SPTLC3: variants seen among roughly 807,000 people sequenced by gnomAD.
SPTLC3 encodes the protein serine palmitoyltransferase long chain base subunit 3, also known as serine palmitoyltransferase 3.
SPTLC3 carries 36 observed loss-of-function variants against 59.3 expected under a neutral mutation model. The ratio of observed to expected loss-of-function variants is 0.61; its 90% CI spans 0.47 to 0.80. SPTLC3 has a LOEUF of 0.80. Ranked by LOEUF, SPTLC3 falls within the 30% of genes least tolerant of loss-of-function variation. The probability of loss-of-function intolerance (pLI) is 0.00; values close to 1 mark genes in which losing one functional copy is unlikely to be tolerated. For synonymous variants in SPTLC3, 257 were observed against 240.8 expected, an observed-to-expected ratio of 1.07 and a Z score of -0.62; for missense variants, 625 against 685.1, an observed-to-expected ratio of 0.91 and a Z score of 0.98.
At chr20:13,033,167 C>A (rs16993653) in intron 1 of SPTLC3, among the ~76,000 whole-genome samples, 12,815 of 152,116 alleles carry the variant, frequency 0.084, 581 homozygotes, top group African/African-American at 0.11. Context: ...CTCAGACTTC[C>A]ACCAAACCCT....
In SPTLC3 at chr20:13,167,379, T is replaced by A. The variant is rs2038997431; in HGVS notation, c.*2512T>A. The A allele has an allele frequency of 6.6e-6, 1 of 152,142 alleles. No individual in the cohort carries two copies. Among genetic ancestry groups the A allele is most frequent in the Non-Finnish European group, 1.5e-5 (1 of 68,038 alleles). The allele number at this position is 152,142 out of a possible 1,614,324, so 9.4% of individuals were successfully genotyped here. A position where few individuals can be genotyped will look rare whatever the true frequency, so the allele number is the denominator to read the frequency against. On this transcript the variant is annotated 3_prime_UTR_variant, in exon 12 of 12. Transcript: ENST00000399002. Reference sequence around the variant, plus strand: ...TAATTATATCAGAGCCAAAAATGTGTCTTTGGTTAGATCTGTTGGAAAAGA... The same window carrying A: ...TAATTATATCAGAGCCAAAAATGTGACTTTGGTTAGATCTGTTGGAAAAGA...
At chr20:13,022,429 G>T (rs1985932191) in intron 1 of SPTLC3, among the ~76,000 whole-genome samples, 1 of 152,182 alleles carries the variant, frequency 6.6e-6, no homozygotes, top group African/African-American at 2.4e-5. Flanking sequence ...TATGCTTGTG[G>T]ATTCTGCTGG....
At chr20:13,031,294 A>C (rs1986435753) in intron 1 of SPTLC3, among the ~76,000 whole-genome samples, 1 of 152,174 alleles carries the variant, frequency 6.6e-6, no homozygotes, top group South Asian at 2.1e-4. Flanking sequence ...CGAAGATCTC[A>C]ATCTCTAAAC....
At chr20:13,083,397 G>A (rs1230184090) in intron 4 of SPTLC3, among the ~76,000 whole-genome samples, 1 of 152,128 alleles carries the variant, frequency 6.6e-6, no homozygotes, top group Non-Finnish European at 1.5e-5. Flanking sequence ...CCACATAGGG[G>A]CCTATGTATT....
intron 1 of SPTLC3, among the ~76,000 whole-genome samples, chr20:13,020,825 T>C (rs1429039699): frequency 6.6e-6 from 1 of 152,144 alleles, no homozygotes; most frequent in African/African-American, 2.4e-5. Flanking sequence ...AAGGTAACTT[T>C]ATGTCTCTGA....
chr20:13,010,429 G>A lies in SPTLC3; in HGVS notation c.117+1045G>A, dbSNP rs76598140. Among the ~76,000 whole-genome samples the A allele has an allele frequency of 1.0e-2, 1,516 of 152,270 alleles. 30 individuals are homozygous for A. The highest frequency in any genetic ancestry group is 0.032 in the African/African-American group (1,339 of 41,538). On this transcript the variant is annotated intron_variant, in intron 1 of 11. Transcript: ENST00000399002. The stretch of plus-strand genomic sequence containing the variant: ...GTCCTCCTCTCAGTGAATTACATTC[G>A]TGTGTGCAATTGGAAGAGGCTAAAG...
At chr20:13,115,398 C>G (rs6105041) in intron 7 of SPTLC3, among the ~76,000 whole-genome samples, 1 of 152,240 alleles carries the variant, frequency 6.6e-6, no homozygotes, top group East Asian at 1.9e-4. Context: ...GGGCAGGCTC[C>G]TAACATCAGC....
intron 2 of SPTLC3, among the ~76,000 whole-genome samples, chr20:13,053,119 T>C (rs1987566757): frequency 6.6e-6 from 1 of 151,946 alleles, no homozygotes; most frequent in South Asian, 2.1e-4. Flanking sequence ...CCAGCAGGGG[T>C]TGACAGACAC....
chr20:13,078,566 CT>C (rs1196566305), intron 4 of SPTLC3, among the ~76,000 whole-genome samples: 3 of 152,010 alleles, frequency 2.0e-5, no homozygotes, highest in Non-Finnish European at 4.4e-5. Context: ...GCCTGTTTTA[CT>C]ATCATTTTTA....
chr20:13,096,189 G>A (rs1387524169), intron 6 of SPTLC3, among the ~76,000 whole-genome samples: 1 of 152,078 alleles, frequency 6.6e-6, no homozygotes, highest in Non-Finnish European at 1.5e-5. Context: ...AGTATAAAAT[G>A]GCACAACTTC....
intron 1 of SPTLC3, among the ~76,000 whole-genome samples, chr20:13,010,003 G>A (rs1221581560): frequency 6.6e-6 from 1 of 151,562 alleles, no homozygotes; most frequent in Non-Finnish European, 1.5e-5. Context: ...AAACAGAACA[G>A]CATCTTTAAA....
chr20:13,068,435 G>T (rs1988310791), intron 2 of SPTLC3, among the ~76,000 whole-genome samples: 1 of 152,166 alleles, frequency 6.6e-6, no homozygotes, highest in South Asian at 2.1e-4. Context: ...TTCTGGTTTA[G>T]TTAAAATGCT....
intron 7 of SPTLC3, among the ~76,000 whole-genome samples, chr20:13,116,889 T>C (rs1990587926): frequency 6.6e-6 from 1 of 150,732 alleles, no homozygotes; most frequent in African/African-American, 2.4e-5. Flanking sequence ...CAGAGGATTC[T>C]GATGTTCACT....
chr20:13,058,598 G>C (rs1433322812), intron 2 of SPTLC3, among the ~76,000 whole-genome samples: 1 of 152,112 alleles, frequency 6.6e-6, no homozygotes, highest in East Asian at 1.9e-4. Context: ...GGGGAGGGCT[G>C]GTCAAACAAG....
intron 2 of SPTLC3, chr20:13,049,925 C>T (rs1327911462): frequency 6.6e-6 from 1 of 152,136 alleles, no homozygotes; most frequent in Non-Finnish European, 1.5e-5. Context: ...CAAGGGAACA[C>T]CCCGAGGGAC....
intron 9 of SPTLC3, among the ~76,000 whole-genome samples, chr20:13,149,440 C>T (rs193142436): frequency 6.6e-6 from 1 of 152,316 alleles, no homozygotes; most frequent in East Asian, 1.9e-4. Flanking sequence ...AGATGAGTAG[C>T]GTTTTATAGG....
intron 1 of SPTLC3, among the ~76,000 whole-genome samples, chr20:13,042,956 G>A (rs1987058245): frequency 1.3e-5 from 2 of 152,162 alleles, no homozygotes; most frequent in Admixed American, 1.3e-4. Context: ...CACCAGCAGG[G>A]AAATAGTCTA....
At chr20:13,126,803 C>G (rs1457874477) in intron 9 of SPTLC3, 86 bp downstream of exon 9, 13 of 1,514,700 alleles carry the variant, frequency 8.6e-6, no homozygotes, top group Non-Finnish European at 1.2e-5. Context: ...AAATACACAC[C>G]TTTATCTTAT....
Position 13,091,083 on chromosome 20 carries a change from G to A in SPTLC3, c.608G>A (p.Gly203Asp), listed in dbSNP as rs1277315762. The change falls in exon 5 of 12, where the codon GGC (glycine) becomes GAC (aspartate). Residue 203 changes from glycine (G) to aspartate (D), a missense_variant and splice_region_variant. Physicochemically the swap from Gly to Asp is moderately conservative, Grantham distance 94 (BLOSUM62 -1). Transcript: ENST00000399002. ...TGVASTRHEM[G>D]TLDKHKELED... is the part of the protein sequence containing the mutation. ...ACTTCTCATGTAATTTTATGTGCAG[G>A]CACCTTGGATAAGCACAAGGAGTTG... 1 of 1,613,390 alleles carries A rather than the reference G, an allele frequency of 6.2e-7. No homozygotes were observed. Among genetic ancestry groups the A allele is most frequent in the Admixed American group, 1.7e-5 (1 of 59,956 alleles).
Sources: gnomAD v4.1 joint callset for allele counts (sites outside exome capture counted in the v4.1 genomes callset) on GRCh38, gnomAD v4.1.1 for gene constraint, MANE v1.5 for transcripts, NCBI Gene and HGNC (gene_info 2026-07-23, HGNC 2026-07-21) for gene names.